The following ZNF407 variants were observed in gnomAD, a reference collection of about 807,000 sequenced individuals.
ZNF407 encodes the protein zinc finger protein 407.
Under a neutral mutation model 131.2 loss-of-function variants are expected in ZNF407, and 17 were observed. The observed-to-expected ratio is 0.13, with a 90% CI of 0.09 to 0.19. ZNF407 has a LOEUF of 0.19. ZNF407 is among the 10% of genes least tolerant of loss of function. The pLI, the probability that ZNF407 is intolerant of heterozygous loss-of-function variation, is 1.00. For synonymous variants in ZNF407, 1,156 were observed against 1,062.0 expected, an observed-to-expected ratio of 1.09 and a Z score of -1.72; for missense variants, 2,681 against 2,830.6, an observed-to-expected ratio of 0.95 and a Z score of 1.20.
chr18:74,757,685 C>T (rs994811019), intron 3 of ZNF407, among the ~76,000 whole-genome samples: 1 of 151,982 alleles, frequency 6.6e-6, no homozygotes, highest in African/African-American at 2.4e-5. Flanking sequence ...TTCAAATCTT[C>T]CTTTCATTGT....
intron 7 of ZNF407, among the ~76,000 whole-genome samples, chr18:74,892,237 G>A (rs925320921): frequency 2.7e-4 from 41 of 152,150 alleles, no homozygotes; most frequent in African/African-American, 9.9e-4. Flanking sequence ...TCTGCGTTTG[G>A]TATGAGCACA....
At chr18:74,605,123 C>T (rs142045900) in intron 1 of ZNF407, among the ~76,000 whole-genome samples, 2 of 152,314 alleles carry the variant, frequency 1.3e-5, no homozygotes, top group East Asian at 3.9e-4. Context: ...AAATGGAGTG[C>T]ATTCTCTTGA....
At chr18:74,622,946 CTGTG>C (rs532515139) in intron 1 of ZNF407, among the ~76,000 whole-genome samples, 10 of 151,154 alleles carry the variant, frequency 6.6e-5, no homozygotes, top group African/African-American at 2.2e-4. Flanking sequence ...GTGTATATAT[CTGTG>C]TGTCAGTGTA....
rs564532122 is a variant in ZNF407, at chr18:74,900,746, G to A, written c.5249+10708G>A. Among the ~76,000 whole-genome samples, 7 of 152,140 alleles carry A rather than the reference G, an allele frequency of 4.6e-5. No homozygotes were observed. In the South Asian group the frequency reaches 8.3e-4, roughly 18 times the overall value. On this transcript the variant is annotated intron_variant, in intron 7 of 8. Transcript: ENST00000299687. ...TCTTGATGACACCTGACTCCTGCAC[G>A]TATTTACAGCCGTTCAATTTGTTTT...
At chr18:74,643,422 A>C (rs1984815631) in intron 3 of ZNF407, among the ~76,000 whole-genome samples, 1 of 152,056 alleles carries the variant, frequency 6.6e-6, no homozygotes, top group East Asian at 1.9e-4. Context: ...AAGGTCCTGC[A>C]TTATGTTTTC....
chr18:74,998,648 A>G lies in ZNF407; in HGVS notation c.5429-64502A>G, dbSNP rs1405476123. ...AAATGCAAATCAAAACCACTATGAG[A>G]TATCATCTCACACCAGTTAGAATGG... On this transcript the variant is annotated intron_variant, in intron 8 of 8. Coordinates refer to ENST00000299687, the MANE Select transcript of ZNF407 (RefSeq NM_017757.3). 2.7e-5 allele frequency among the ~76,000 whole-genome samples: 4 copies of G among 146,036 alleles called. No homozygotes were observed. The Admixed American group carries it at 2.8e-4, about 10-fold the overall frequency.
chr18:74,698,102 G>A (rs556786435), intron 3 of ZNF407, among the ~76,000 whole-genome samples: 1 of 152,226 alleles, frequency 6.6e-6, no homozygotes, highest in African/African-American at 2.4e-5. Flanking sequence ...TCCTAAAAGC[G>A]ATCTATTATT....
chr18:74,604,040 G>C (rs911734346), intron 1 of ZNF407, among the ~76,000 whole-genome samples: 2 of 152,158 alleles, frequency 1.3e-5, no homozygotes, highest in East Asian at 3.9e-4. Context: ...TAGGGGTCTG[G>C]TACCTACAGA....
At chr18:74,804,209 C>G (rs1970072516) in intron 4 of ZNF407, 4 of 1,317,652 alleles carry the variant, frequency 3.0e-6, no homozygotes, top group Non-Finnish European at 3.9e-6. Context: ...TAAATCATCA[C>G]ACAAATGTAG....
intron 4 of ZNF407, among the ~76,000 whole-genome samples, chr18:74,813,063 C>T (rs983668500): frequency 1.3e-5 from 2 of 152,182 alleles, no homozygotes; most frequent in Admixed American, 6.5e-5. Flanking sequence ...TTGTTGGTTA[C>T]ACCTTGCCTG....
At chr18:74,907,800 A>T (rs770091871) in intron 7 of ZNF407, among the ~76,000 whole-genome samples, 2 of 152,222 alleles carry the variant, frequency 1.3e-5, no homozygotes, top group Non-Finnish European at 2.9e-5. Context: ...GGGTGTGTGT[A>T]TATTTTAAAC....
chr18:75,047,682 A>G, intron 8 of ZNF407, among the ~76,000 whole-genome samples: 1 of 152,248 alleles, frequency 6.6e-6, no homozygotes, highest in East Asian at 1.9e-4. Context: ...TAAGTAAGAC[A>G]ACAACTGTTA....
intron 3 of ZNF407, among the ~76,000 whole-genome samples, chr18:74,759,240 C>T (rs1446532922): frequency 6.6e-6 from 1 of 152,078 alleles, no homozygotes; most frequent in African/African-American, 2.4e-5. Context: ...TAATGGATGA[C>T]TGACTTGACT....
rs771120668 is a variant in ZNF407, at chr18:74,631,475, A to G, written c.456A>G (p.Thr152=). Residue 152 remains threonine, a synonymous_variant, in exon 2 of 9, where the codon ACA becomes ACG. Transcript: ENST00000299687. ...VVSLKTDTEK[T]SAQEMVSLDL... is the part of the protein sequence containing the mutation. The stretch of plus-strand genomic sequence containing the variant: ...CTCTGAAAACAGACACTGAAAAAAC[A>G]TCTGCTCAGGAAATGGTTTCCCTTG... The G allele has an allele frequency of 6.8e-6, 11 of 1,613,918 alleles. No homozygotes were observed. The highest frequency in any genetic ancestry group is 1.1e-5 in the South Asian group (1 of 91,092).
At chr18:75,056,985 G>A (rs917597547) in intron 8 of ZNF407, among the ~76,000 whole-genome samples, 1 of 152,082 alleles carries the variant, frequency 6.6e-6, no homozygotes, top group Non-Finnish European at 1.5e-5. Context: ...TCTTAAAATT[G>A]AAGCCAAGAA....
chr18:74,806,145 T>C (rs553854788), intron 4 of ZNF407, among the ~76,000 whole-genome samples: 3 of 152,384 alleles, frequency 2.0e-5, no homozygotes, highest in Admixed American at 6.5e-5. Flanking sequence ...TTAGGTTTCC[T>C]GCCAAATCTG....
intron 7 of ZNF407, among the ~76,000 whole-genome samples, chr18:74,892,947 G>T (rs1293719144): frequency 6.6e-6 from 1 of 152,116 alleles, no homozygotes; most frequent in African/African-American, 2.4e-5. Flanking sequence ...GACTGGAAAG[G>T]TTGTGATTTT....
At position 74,881,088 on chromosome 18, in the gene ZNF407, C is replaced by T. The variant is rs547126619; in HGVS notation, c.5097C>T (p.His1699=). 10 of 1,581,724 alleles carry T rather than the reference C, an allele frequency of 6.3e-6. No homozygotes were observed. The highest frequency in any genetic ancestry group is 2.3e-5 in the East Asian group (1 of 43,658). The change falls in exon 6 of 9, where the codon CAC becomes CAT. Residue 1699 remains histidine, a synonymous_variant. Transcript: ENST00000299687. The part of the protein sequence containing the change: ...DLCGFAGGTR[H]ALTKHRRQHT... ...GCGGCTTTGCCGGCGGGACCCGCCA[C>T]GCCCTCACCAAGCATCGCAGACAGC...
intron 8 of ZNF407, among the ~76,000 whole-genome samples, chr18:74,938,245 A>C (rs1972059872): frequency 6.6e-6 from 1 of 152,184 alleles, no homozygotes; most frequent in Admixed American, 6.5e-5. Flanking sequence ...TCTTATCCCC[A>C]GCATCATGCT....
Sources: gnomAD v4.1 joint callset for allele counts (sites outside exome capture counted in the v4.1 genomes callset) on GRCh38, gnomAD v4.1.1 for gene constraint, MANE v1.5 for transcripts, NCBI Gene and HGNC (gene_info 2026-07-23, HGNC 2026-07-21) for gene names.